METTL15: variants seen among roughly 807,000 people sequenced by gnomAD.
METTL15 encodes 12S rRNA N(4)-cytidine methyltransferase METTL15.
METTL15 carries 34 observed loss-of-function variants against 38.3 expected under a neutral mutation model. The observed-to-expected ratio is 0.89, with a 90% confidence interval of 0.68 to 1.18. The LOEUF is 1.18. Among genes scored for constraint, METTL15 ranks in the 50% most tolerant of loss-of-function variants. The pLI, the probability that METTL15 is intolerant of heterozygous loss-of-function variation, is 0.00. For synonymous variants in METTL15, 162 were observed against 170.9 expected, an observed-to-expected ratio of 0.95 and a Z score of 0.41; for missense variants, 438 against 498.4, an observed-to-expected ratio of 0.88 and a Z score of 1.15.
chr11:28,252,237 A>G (rs1299306866), intron 4 of METTL15, among the ~76,000 whole-genome samples: 3 of 152,324 alleles, frequency 2.0e-5, no homozygotes, highest in Non-Finnish European at 4.4e-5. Context: ...GTGCTAAGGA[A>G]AATATAAAGA....
intron 6 of METTL15, among the ~76,000 whole-genome samples, chr11:28,485,112 T>TACACACAC (rs33941898): frequency 9.9e-4 from 148 of 148,846 alleles, no homozygotes; most frequent in African/African-American, 3.0e-3. Context: ...AATGAAGTTT[T>TACACACAC]ACACACACAC....
intron 5 of METTL15, among the ~76,000 whole-genome samples, chr11:28,388,777 C>T (rs1430944913): frequency 6.6e-6 from 1 of 152,018 alleles, no homozygotes; most frequent in African/African-American, 2.4e-5. Context: ...GTGTGCTGCA[C>T]CCATTAACTC....
intron 5 of METTL15, among the ~76,000 whole-genome samples, chr11:28,402,804 A>G (rs1460697425): frequency 6.6e-6 from 1 of 151,848 alleles, no homozygotes; most frequent in Non-Finnish European, 1.5e-5. Context: ...CATTGTACCC[A>G]TTAAGTAATT....
chr11:28,165,373 A>G (rs1850621741), intron 3 of METTL15, among the ~76,000 whole-genome samples: 1 of 152,144 alleles, frequency 6.6e-6, no homozygotes, highest in African/African-American at 2.4e-5. Context: ...GTTAATAGCC[A>G]TTCTACAGTT....
At chr11:28,486,571 T>G (rs533852802) in intron 6 of METTL15, among the ~76,000 whole-genome samples, 1 of 152,272 alleles carries the variant, frequency 6.6e-6, no homozygotes, top group East Asian at 1.9e-4. Context: ...GGATTGTTAA[T>G]AAAGCCTGCG....
chr11:28,241,187 A>G (rs1404797743), intron 4 of METTL15, among the ~76,000 whole-genome samples: 1 of 152,204 alleles, frequency 6.6e-6, no homozygotes, highest in Non-Finnish European at 1.5e-5. Context: ...ATCCTATAAT[A>G]AGCAGAATAG....
At chr11:28,466,485 A>G (rs1011385334) in intron 6 of METTL15, among the ~76,000 whole-genome samples, 4 of 152,208 alleles carry the variant, frequency 2.6e-5, no homozygotes, top group African/African-American at 9.6e-5. Flanking sequence ...AACCATGGCC[A>G]CACCACAGCT....
At chr11:28,191,215 C>T (rs1479400811) in intron 3 of METTL15, among the ~76,000 whole-genome samples, 1 of 151,074 alleles carries the variant, frequency 6.6e-6, no homozygotes, top group Non-Finnish European at 1.5e-5. Flanking sequence ...CAAATATTAA[C>T]TATATATAAA....
intron 4 of METTL15, among the ~76,000 whole-genome samples, chr11:28,264,352 C>T (rs1240374066): frequency 6.6e-6 from 1 of 151,912 alleles, no homozygotes; most frequent in African/African-American, 2.4e-5. Context: ...TGAGAAATTT[C>T]TGTGCTTTGA....
At chr11:28,134,058 C>G (rs1326527460) in intron 3 of METTL15, among the ~76,000 whole-genome samples, 2 of 152,102 alleles carry the variant, frequency 1.3e-5, no homozygotes, top group Non-Finnish European at 2.9e-5. Context: ...AGCTCAGATT[C>G]AAAGAACAGG....
chr11:28,297,043 C>A, intron 6 of METTL15, 112 bp downstream of exon 6: 1 of 1,032,300 alleles, frequency 9.7e-7, no homozygotes, highest in Non-Finnish European at 1.4e-6. Flanking sequence ...ATCCCCCAGA[C>A]TCCCTGAGGG....
intron 6 of METTL15, among the ~76,000 whole-genome samples, chr11:28,521,387 C>CT (rs1851764118): frequency 6.6e-6 from 1 of 152,214 alleles, no homozygotes; most frequent in African/African-American, 2.4e-5. Context: ...CAAAAGAGCA[C>CT]TATACCATCT....
chr11:28,231,938 C>T (rs992225518), intron 4 of METTL15, among the ~76,000 whole-genome samples: 3 of 151,720 alleles, frequency 2.0e-5, no homozygotes, highest in African/African-American at 7.3e-5. Flanking sequence ...GCATATAGTA[C>T]ATACTCAATA....
rs992349531 is a variant in METTL15 at position 28,331,825 on chromosome 11, A to T, written c.*984A>T. Reference sequence around the variant, plus strand: ...TAGTAATATGTACTTCTAATTTATTATTTATACTTAAATTGTGACCTGAAA... The same window carrying T: ...TAGTAATATGTACTTCTAATTTATTTTTTATACTTAAATTGTGACCTGAAA... On this transcript the variant is annotated 3_prime_UTR_variant, in exon 7 of 7. Coordinates refer to ENST00000407364, the MANE Select transcript of METTL15 (RefSeq NM_001113528.2). 2.0e-5 allele frequency: 3 copies of T among 152,212 alleles called. No homozygotes were observed. Among genetic ancestry groups the T allele is most frequent in the Non-Finnish European group, 4.4e-5 (3 of 68,020 alleles). 9.4% of individuals were successfully genotyped at this position (152,212 alleles called of 1,614,324 possible).
At chr11:28,521,318 G>A (rs1449962940) in intron 6 of METTL15, among the ~76,000 whole-genome samples, 1 of 152,172 alleles carries the variant, frequency 6.6e-6, no homozygotes. Flanking sequence ...TGCCCGAAGG[G>A]ATGGGCCCTC....
intron 3 of METTL15, chr11:28,125,551 A>G (rs1411447020): frequency 6.6e-6 from 1 of 152,052 alleles, no homozygotes; most frequent in Non-Finnish European, 1.5e-5. Context: ...AGCTGATTTT[A>G]CACGTTTGAT....
At chr11:28,521,849 C>A (rs1378280915) in intron 6 of METTL15, among the ~76,000 whole-genome samples, 1 of 152,090 alleles carries the variant, frequency 6.6e-6, no homozygotes, top group African/African-American at 2.4e-5. Flanking sequence ...CCTTCTTTGC[C>A]TCTTCAGTCC....
At chr11:28,139,209 G>A (rs1345287564) in intron 3 of METTL15, among the ~76,000 whole-genome samples, 1 of 152,064 alleles carries the variant, frequency 6.6e-6, no homozygotes, top group African/African-American at 2.4e-5. Flanking sequence ...CTGTGGTATG[G>A]GGACACAATT....
intron 5 of METTL15, among the ~76,000 whole-genome samples, chr11:28,391,572 A>T (rs1028232306): frequency 6.6e-6 from 1 of 152,170 alleles, no homozygotes; most frequent in African/African-American, 2.4e-5. Flanking sequence ...TTGTACTACA[A>T]GGCTACAGTA....
Sources: gnomAD v4.1 joint callset for allele counts (sites outside exome capture counted in the v4.1 genomes callset) on GRCh38, gnomAD v4.1.1 for gene constraint, MANE v1.5 for transcripts, NCBI Gene and HGNC (gene_info 2026-07-23, HGNC 2026-07-21) for gene names.